Variants in AGO1 observed in about 807,000 individuals in gnomAD.
The protein encoded by AGO1 is argonaute RISC component 1, also known as protein argonaute-1.
Under a neutral mutation model 109.2 loss-of-function variants are expected in AGO1, and 11 were observed. That is an observed-to-expected ratio of 0.10 (90% CI 0.06 to 0.17). The LOEUF (loss-of-function observed/expected upper bound fraction) is 0.17. AGO1 is among the 10% of genes least tolerant of loss of function. The pLI is 1.00. For synonymous variants in AGO1, 422 were observed against 418.6 expected (o/e 1.01, Z -0.10); for missense variants, 574 against 1,140.3 (o/e 0.50, Z 7.15).
At chr1:35,902,128 T>C in intron 10 of AGO1, 58 bp downstream of exon 10, 1 of 1,585,562 alleles carries the variant, frequency 6.3e-7, no homozygotes, top group Non-Finnish European at 8.6e-7. Flanking sequence ...TTGGGTTGTA[T>C]AGCCAGGGGC....
At chr1:35,914,109 G>A (rs958786033) in intron 13 of AGO1, 75 bp from the exon 14 acceptor site, 1 of 1,592,630 alleles carries the variant, frequency 6.3e-7, no homozygotes, top group Non-Finnish European at 8.6e-7. Flanking sequence ...GGGGAGAAGA[G>A]CAGAGTGGGT....
chr1:35,887,241 G>GGT (rs1221345275), intron 1 of AGO1, among the ~76,000 whole-genome samples: 1 of 152,058 alleles, frequency 6.6e-6, no homozygotes, highest in African/African-American at 2.4e-5. Context: ...CCCAGCTGAG[G>GGT]GTATGCCCCA....
In AGO1 at chr1:35,883,970, A is replaced by AC. The variant is rs1018677946; in HGVS notation, c.25+530dup. 7.2e-5 allele frequency among the ~76,000 whole-genome samples: 11 copies of AC among 151,958 alleles called. No homozygotes were observed. Among genetic ancestry groups the AC allele is most frequent in the Non-Finnish European group, 1.5e-4 (10 of 67,972 alleles). ...TGGGTGGGGACCCAGTCCCGGGATT[A>AC]CCCCCCGTGGGTCTGGGGAGTCGGA... On this transcript the variant is annotated intron_variant, in intron 1 of 18. Transcript: ENST00000373204. The surrounding 1 kb of genome is among the most constrained non-coding windows in gnomAD (Gnocchi z 5.4).
rs1184426040 is a variant in AGO1, at chr1:35,906,974, G to A, written c.1437G>A (p.Ala479=). 13 of 1,613,862 alleles carry A rather than the reference G, an allele frequency of 8.1e-6. No homozygotes were observed. The highest frequency in any genetic ancestry group is 2.2e-5 in the East Asian group (1 of 44,890). Reference sequence around the variant, plus strand: ...AGCTGCGGAAGATTTCCAAGGATGCGGGGATGCCTATCCAGGGTCAACCTT... The same window carrying A: ...AGCTGCGGAAGATTTCCAAGGATGCAGGGATGCCTATCCAGGGTCAACCTT... ...TDQLRKISKD[A]GMPIQGQPCF... Residue 479 remains alanine, a synonymous_variant, in exon 12 of 19, where the codon GCG becomes GCA. Coordinates refer to ENST00000373204, the MANE Select transcript of AGO1 (RefSeq NM_012199.5).
intron 12 of AGO1, among the ~76,000 whole-genome samples, chr1:35,910,517 G>A (rs1571369286): frequency 6.6e-6 from 1 of 151,920 alleles, no homozygotes; most frequent in Admixed American, 6.6e-5. Flanking sequence ...CCTTACCACA[G>A]CCCCAGTCAC....
rs1002461077 is a variant in AGO1, at chr1:35,888,200, G to C, written c.26-227G>C. On this transcript the variant is annotated intron_variant, in intron 1 of 18. Coordinates refer to ENST00000373204, the MANE Select transcript of AGO1 (RefSeq NM_012199.5). The surrounding 1 kb of genome is among the most constrained non-coding windows in gnomAD (Gnocchi z 4.1). ...ATATTAACTTAATGAATTAAAAATA[G>C]ACAATAAGGATAATTTTCCTAACTG... 3.9e-5 allele frequency among the ~76,000 whole-genome samples: 6 copies of C among 152,160 alleles called. No homozygotes were observed. The highest frequency in any genetic ancestry group is 1.4e-4 in the African/African-American group (6 of 41,432).
chr1:35,894,262 C>G, intron 6 of AGO1, 53 bp from the exon 7 acceptor site: 1 of 1,608,790 alleles, frequency 6.2e-7, no homozygotes, highest in Non-Finnish European at 8.5e-7. Flanking sequence ...GAGACCAAGC[C>G]TGGGCACATG....
At position 35,888,376 on chromosome 1, in the gene AGO1, G is replaced by A. The variant is rs373844903; in HGVS notation, c.26-51G>A. The A allele has an allele frequency of 1.1e-5, 17 of 1,584,282 alleles. No individual in the cohort carries two copies. In the African/African-American group the frequency reaches 1.9e-4, roughly 18 times the overall value. On this transcript the variant is annotated intron_variant, in intron 1 of 18. Transcript: ENST00000373204. This position sits in a 1 kb window ranked among gnomAD's most constrained non-coding sequence, Gnocchi z 4.1. ...AGGCCTTGTTCCTCCTCTGATAAGA[G>A]TAGTTAGGAGATTGCCAGACTTTAC...
In AGO1 at chr1:35,918,412, G is replaced by T; in HGVS notation, c.2254G>T (p.Ala752Ser). The T allele has an allele frequency of 1.2e-6, 2 of 1,613,728 alleles. No individual in the cohort carries two copies. Among genetic ancestry groups the T allele is most frequent in the Non-Finnish European group, 1.7e-6 (2 of 1,179,624 alleles). Residue 752 changes from alanine (A) to serine (S), a missense_variant, in exon 17 of 19, where the codon GCA (alanine) becomes TCA (serine). Ala to Ser is a moderately conservative substitution (Grantham distance 99, BLOSUM62 1). This residue lies in a region of AGO1 where 62 missense variants were observed against 192.0 expected (regional missense o/e 0.32). Transcript: ENST00000373204. Reference protein sequence around the residue: ...FEFDFYLCSHAGIQGTSRPSH... With the variant: ...FEFDFYLCSHSGIQGTSRPSH... ...GTTTGACTTCTATCTGTGCAGCCAC[G>T]CAGGCATCCAGGTAGCTGGGCTTTA...
intron 15 of AGO1, among the ~76,000 whole-genome samples, chr1:35,917,299 AC>A (rs1645752013): frequency 6.6e-6 from 1 of 152,122 alleles, no homozygotes; most frequent in Admixed American, 6.5e-5. Flanking sequence ...TTCTCTGTGA[AC>A]CTTGGTTCTG....
At chr1:35,910,577 G>A (rs1645614920) in intron 12 of AGO1, among the ~76,000 whole-genome samples, 1 of 151,922 alleles carries the variant, frequency 6.6e-6, no homozygotes, top group Non-Finnish European at 1.5e-5. Context: ...AATACCATAA[G>A]TTAGTTTTGC....
chr1:35,878,140 G>A (rs1316754326), intron 1 of AGO1, among the ~76,000 whole-genome samples: 1 of 151,948 alleles, frequency 6.6e-6, no homozygotes, highest in East Asian at 1.9e-4. Context: ...CTGGAGTGCA[G>A]TGGTGCAGTC....
chr1:35,870,568 C>T (rs904491000), intron 1 of AGO1, among the ~76,000 whole-genome samples: 10 of 152,200 alleles, frequency 6.6e-5, no homozygotes, highest in Non-Finnish European at 1.5e-4. Context: ...AGGCGTGAGC[C>T]ACCGCGCCTG....
chr1:35,895,040 G>A lies in AGO1; in HGVS notation c.873-82G>A, dbSNP rs184910965. On this transcript the variant is annotated intron_variant, in intron 7 of 18. Transcript: ENST00000373204. ...GGCCAAATGAAAAAGGAAAAAATCT[G>A]AGGCTTCCATGGTTGTGGGTCTAGA... The A allele has an allele frequency of 6.1e-5, 89 of 1,467,920 alleles. No homozygotes were observed. The Admixed American group carries it at 2.2e-3, about 36-fold the overall frequency. 90.9% of individuals were successfully genotyped at this position (1,467,920 alleles called of 1,614,324 possible).
At position 35,922,463 on chromosome 1, in the gene AGO1, G is replaced by A. The variant is rs1645850105; in HGVS notation, c.*2856G>A. The A allele has an allele frequency of 6.6e-6, 1 of 152,300 alleles. No homozygotes were observed. The highest frequency in any genetic ancestry group is 1.5e-5 in the Non-Finnish European group (1 of 68,100). 9.4% of individuals were successfully genotyped at this position (152,300 alleles called of 1,614,324 possible). A position where few individuals can be genotyped will look rare whatever the true frequency, so the allele number is the denominator to read the frequency against. On this transcript the variant is annotated 3_prime_UTR_variant, in exon 19 of 19. Transcript: ENST00000373204. Reference sequence around the variant, plus strand: ...TACCCAAGCTTCAAGGAAGTGCTTGGGGGACCCCCAGCCTCATCCTCTTAG... The same window carrying A: ...TACCCAAGCTTCAAGGAAGTGCTTGAGGGACCCCCAGCCTCATCCTCTTAG...
At chr1:35,886,840 C>G (rs1236031666) in intron 1 of AGO1, among the ~76,000 whole-genome samples, 1 of 152,046 alleles carries the variant, frequency 6.6e-6, no homozygotes, top group African/African-American at 2.4e-5. Flanking sequence ...GTGTGTGTGT[C>G]AGACACTGGA....
At position 35,901,349 on chromosome 1, in the gene AGO1, C is replaced by T; in HGVS notation, c.1021-125C>T. On this transcript the variant is annotated intron_variant, in intron 8 of 18. Transcript: ENST00000373204. The surrounding 1 kb of genome is among the most constrained non-coding windows in gnomAD (Gnocchi z 4.8). ...TACTCAGGAGGAGAATACATGTATGCACAACGGATTTTGCAGTTCCCTTCC... is the reference window on the plus strand; with the variant it reads ...TACTCAGGAGGAGAATACATGTATGTACAACGGATTTTGCAGTTCCCTTCC... The T allele has an allele frequency of 8.4e-7, 1 of 1,186,080 alleles. No individual in the cohort carries two copies. The highest frequency in any genetic ancestry group is 1.4e-5 in the South Asian group (1 of 72,224). 73.5% of individuals were successfully genotyped at this position (1,186,080 alleles called of 1,614,324 possible).
chr1:35,874,226 G>T (rs1644975364), intron 1 of AGO1, among the ~76,000 whole-genome samples: 1 of 152,148 alleles, frequency 6.6e-6, no homozygotes, highest in Non-Finnish European at 1.5e-5. Flanking sequence ...GAAGTGCAGA[G>T]GCATGATCAT....
chr1:35,912,283 C>T (rs578109663), intron 12 of AGO1, among the ~76,000 whole-genome samples: 5 of 143,298 alleles, frequency 3.5e-5, no homozygotes, highest in South Asian at 2.5e-4. Context: ...GGTGTGAACC[C>T]GGGAGGCGGA....
Sources: allele counts gnomAD v4.1 joint callset (sites outside exome capture counted in the v4.1 genomes callset), GRCh38; gene constraint gnomAD v4.1.1; regional missense constraint gnomAD v4.1.1; non-coding constraint Gnocchi (gnomAD v3.1); transcripts MANE v1.5; gene names NCBI Gene and HGNC (gene_info 2026-07-23, HGNC 2026-07-21).